SLC12A3: variants seen among roughly 807,000 people sequenced by gnomAD.
SLC12A3 encodes solute carrier family 12 member 3.
SLC12A3 carries 104 observed loss-of-function variants against 121.0 expected under a neutral mutation model. The ratio of observed to expected loss-of-function variants is 0.86; its 90% CI spans 0.73 to 1.01. The LOEUF is 1.01. SLC12A3 is among the 50% of genes least tolerant of loss of function. The pLI, the probability that SLC12A3 is intolerant of heterozygous loss-of-function variation, is 0.00. For synonymous variants in SLC12A3, 536 were observed against 533.4 expected, an observed-to-expected ratio of 1.00 and a Z score of -0.07; for missense variants, 1,328 against 1,356.3, an observed-to-expected ratio of 0.98 and a Z score of 0.33.
chr16:56,865,402 T>G lies in SLC12A3; in HGVS notation c.167T>G (p.Phe56Cys). The G allele has an allele frequency of 6.2e-7, 1 of 1,614,174 alleles. No individual in the cohort carries two copies. The highest frequency in any genetic ancestry group is 8.5e-7 in the Non-Finnish European group (1 of 1,180,038). The change falls in exon 1 of 26, where the codon TTT becomes TGT. Residue 56 changes from phenylalanine (F) to cysteine (C), a missense_variant. By Grantham distance (205) the Phe-to-Cys change is radical. Coordinates refer to ENST00000563236, the MANE Select transcript of SLC12A3 (RefSeq NM_001126108.2). ...THSSTFCMRT[F>C]GYNTIDVVPT... ...AGCAGCACCTTCTGCATGCGCACCT[T>G]TGGCTACAACACGATCGATGTGGTG...
At chr16:56,872,319 A>C (rs1404094507) in intron 6 of SLC12A3, 32 bp from the exon 7 acceptor site, 3 of 1,504,844 alleles carry the variant, frequency 2.0e-6, no homozygotes, top group African/African-American at 1.4e-5. Flanking sequence ...GAACAAAACT[A>C]TCTGACCTCT....
chr16:56,893,259 T>A (rs1261064858), intron 21 of SLC12A3, among the ~76,000 whole-genome samples: 1 of 152,122 alleles, frequency 6.6e-6, no homozygotes, highest in Non-Finnish European at 1.5e-5. Flanking sequence ...AGAGCTGAAG[T>A]CGCCATGAGA....
intron 23 of SLC12A3, 153 bp from the exon 24 acceptor site, chr16:56,902,220 A>G: frequency 2.1e-6 from 2 of 961,246 alleles, no homozygotes; most frequent in Non-Finnish European, 3.2e-6. Context: ...AGCTGAATTC[A>G]ACATGGAAGC....
At chr16:56,891,428 A>G (rs1204753372) in intron 19 of SLC12A3, among the ~76,000 whole-genome samples, 1 of 150,786 alleles carries the variant, frequency 6.6e-6, no homozygotes, top group African/African-American at 2.4e-5. Flanking sequence ...AATAACGTGT[A>G]TGGCAACAAA....
At chr16:56,893,087 C>G (rs374135164) in intron 21 of SLC12A3, 33 bp downstream of exon 21, 1 of 1,554,714 alleles carries the variant, frequency 6.4e-7, no homozygotes. Flanking sequence ...CCCTCCTGCC[C>G]GGCGGGGGCG....
At chr16:56,870,313 G>A (rs2055076417) in intron 5 of SLC12A3, 78 bp downstream of exon 5, 1 of 1,487,724 alleles carries the variant, frequency 6.7e-7, no homozygotes, top group Non-Finnish European at 9.1e-7. Flanking sequence ...TCTGGGCTGG[G>A]GCCTCCTGCT....
intron 20 of SLC12A3, 25 bp from the exon 21 acceptor site, chr16:56,892,928 T>C (rs1490990758): frequency 6.2e-7 from 1 of 1,603,776 alleles, no homozygotes; most frequent in Non-Finnish European, 8.5e-7. Flanking sequence ...CTGGCTCTGC[T>C]CTGACCCGCC....
At chr16:56,868,200 C>T (rs1361889521) in intron 2 of SLC12A3, 97 bp from the exon 3 acceptor site, 1 of 1,152,582 alleles carries the variant, frequency 8.7e-7, no homozygotes, top group Non-Finnish European at 1.3e-6. Context: ...TCCCTAGGGC[C>T]TAGGTGCTCG....
rs368699664 is a variant in SLC12A3, at chr16:56,867,260, G to T, written c.429+44G>T. Reference sequence around the variant, plus strand: ...GTGCGTGATGTCCAGAAATGGGGGTGGGGTGGCAGAGCTCCATCCAGGCTC... The same window carrying T: ...GTGCGTGATGTCCAGAAATGGGGGTTGGGTGGCAGAGCTCCATCCAGGCTC... On this transcript the variant is annotated intron_variant, in intron 2 of 25. Transcript: ENST00000563236. The T allele has an allele frequency of 3.2e-5, 50 of 1,566,332 alleles. No individual in the cohort carries two copies. The African/African-American group carries it at 5.1e-4, about 16-fold the overall frequency.
chr16:56,880,231 C>T lies in SLC12A3; in HGVS notation c.1545C>T (p.Ile515=), dbSNP rs764801122. 32 of 1,584,944 alleles carry T rather than the reference C, an allele frequency of 2.0e-5. No individual in the cohort carries two copies. Among genetic ancestry groups the T allele is most frequent in the Middle Eastern group, 1.7e-4 (1 of 6,046 alleles). Residue 515 remains isoleucine (I), a synonymous_variant, in exon 12 of 26, where the codon ATC becomes ATT. Transcript: ENST00000563236. ...PVRGYLLAYA[I]AVAFIIIAEL... is the part of the protein sequence containing the mutation. ...GTGGCTACCTGCTGGCCTACGCCAT[C>T]GCTGTGGCCTTCATCATCATCGGTA...
At chr16:56,911,463 C>G (rs1416172527) in intron 25 of SLC12A3, among the ~76,000 whole-genome samples, 2 of 152,044 alleles carry the variant, frequency 1.3e-5, no homozygotes, top group African/African-American at 2.4e-5. Context: ...GAGCTGGGAC[C>G]ACAGGCGTGT....
chr16:56,896,764 A>G (rs950833302), intron 22 of SLC12A3, among the ~76,000 whole-genome samples: 17 of 152,106 alleles, frequency 1.1e-4, no homozygotes, highest in African/African-American at 3.9e-4. Flanking sequence ...AAATAATAAT[A>G]TTTTATCATG....
At chr16:56,882,626 G>A (rs1057152583) in intron 13 of SLC12A3, 129 bp downstream of exon 13, 43 of 748,108 alleles carry the variant, frequency 5.7e-5, no homozygotes, top group Non-Finnish European at 9.7e-5. Flanking sequence ...TAAAACCATT[G>A]AAAGGGAACA....
chr16:56,912,056 C>T (rs532950327), intron 25 of SLC12A3, among the ~76,000 whole-genome samples: 15 of 152,238 alleles, frequency 9.9e-5, no homozygotes, highest in Non-Finnish European at 1.5e-4. Flanking sequence ...CTGACCTCAG[C>T]GCTCCAGCAT....
In SLC12A3 at chr16:56,865,968, T is replaced by C. The variant is rs534822153; in HGVS notation, c.282+451T>C. ...TGACAATTGGGCTGAATTGTTCTTT[T>C]TTCTTTTCTTTTCTTTTCTTTTCTT... On this transcript the variant is annotated intron_variant, in intron 1 of 25. Transcript: ENST00000563236. 6.6e-3 allele frequency among the ~76,000 whole-genome samples: 723 copies of C among 110,252 alleles called. 4 individuals are homozygous for C. Among genetic ancestry groups the C allele is most frequent in the Admixed American group, 8.5e-3 (77 of 9,026 alleles). The allele number at this position is 110,252 out of a possible 152,430, so 72.3% of individuals were successfully genotyped here. A position where few individuals can be genotyped will look rare whatever the true frequency, so the allele number is the denominator to read the frequency against.
chr16:56,911,826 G>A (rs958691224), intron 25 of SLC12A3, among the ~76,000 whole-genome samples: 4 of 152,222 alleles, frequency 2.6e-5, no homozygotes, highest in Admixed American at 2.0e-4. Flanking sequence ...TAGCTGTCGC[G>A]TGCTGGTCAG....
chr16:56,879,687 G>T, intron 11 of SLC12A3, 38 bp downstream of exon 11: 1 of 1,509,360 alleles, frequency 6.6e-7, no homozygotes, highest in Middle Eastern at 1.7e-4. Context: ...ACAGGGGGTG[G>T]GGAGCCTGGG....
At chr16:56,882,152 A>G (rs1162055457) in intron 12 of SLC12A3, among the ~76,000 whole-genome samples, 1 of 152,086 alleles carries the variant, frequency 6.6e-6, no homozygotes, top group African/African-American at 2.4e-5. Flanking sequence ...GTCTACTCTC[A>G]CACTGACCCC....
In SLC12A3 at chr16:56,898,797, G is replaced by T. The variant is rs192743364; in HGVS notation, c.2634-733G>T. Among the ~76,000 whole-genome samples the T allele has an allele frequency of 1.8e-3, 272 of 152,258 alleles. 2 individuals carry two copies. Among genetic ancestry groups the T allele is most frequent in the Admixed American group, 0.014 (221 of 15,288 alleles). On this transcript the variant is annotated intron_variant, in intron 22 of 25. Transcript: ENST00000563236. ...ACCTAGTTTCTTGTGGGTTATCTTC[G>T]CTTCCTCAGCCGCTCTAGAATTTCC...
Sources: gnomAD v4.1 joint callset for allele counts (sites outside exome capture counted in the v4.1 genomes callset) on GRCh38, gnomAD v4.1.1 for gene constraint, MANE v1.5 for transcripts, NCBI Gene and HGNC (gene_info 2026-07-23, HGNC 2026-07-21) for gene names.